Variants in LARS2 observed in about 807,000 individuals in gnomAD.
LARS2 encodes leucine--tRNA ligase, mitochondrial.
A neutral mutation model predicts 116.6 loss-of-function variants in LARS2; 81 were observed. The observed-to-expected ratio is 0.69, with a 90% confidence interval of 0.58 to 0.84. The LOEUF (loss-of-function observed/expected upper bound fraction) is 0.84, where lower values mean the gene tolerates loss of function less well. Ranked by LOEUF, LARS2 falls within the 40% of genes least tolerant of loss-of-function variation. The pLI is 0.00. For missense variants in LARS2, 968 were observed against 1,114.5 expected (o/e 0.87, Z 1.87); for synonymous variants, 396 against 407.2 (o/e 0.97, Z 0.33).
chr3:45,508,074 C>T (rs1700225672), intron 15 of LARS2, among the ~76,000 whole-genome samples: 1 of 151,950 alleles, frequency 6.6e-6, no homozygotes, highest in African/African-American at 2.4e-5. Flanking sequence ...TGTGGGAGAC[C>T]GCTGTAAACA....
At chr3:45,473,986 T>C (rs1226537406) in intron 8 of LARS2, among the ~76,000 whole-genome samples, 1 of 152,164 alleles carries the variant, frequency 6.6e-6, no homozygotes, top group Non-Finnish European at 1.5e-5. Flanking sequence ...TGTTTGTTAA[T>C]TTTCTTCTTT....
intron 7 of LARS2, among the ~76,000 whole-genome samples, chr3:45,458,068 C>T (rs770531522): frequency 3.9e-5 from 6 of 152,082 alleles, no homozygotes; most frequent in African/African-American, 9.7e-5. Flanking sequence ...AAAAATGTAT[C>T]GAGTTGTACA....
In LARS2 at chr3:45,476,507, A is replaced by C; in HGVS notation, c.898A>C (p.Thr300Pro). ...CACGGGCGAAAAGCTGACTGCCTAT[A>C]CGGCCACCCCTGAAGCCATTTATGG... Reference protein sequence around the residue: ...QATGEKLTAYTATPEAIYGTS... With the variant: ...QATGEKLTAYPATPEAIYGTS... The change falls in exon 10 of 22, where the codon ACG (threonine) becomes CCG (proline). Residue 300 changes from threonine (T) to proline (P), a missense_variant. Transcript: ENST00000645846. The C allele has an allele frequency of 6.2e-7, 1 of 1,614,192 alleles. No homozygotes were observed. The highest frequency in any genetic ancestry group is 1.3e-5 in the African/African-American group (1 of 75,054).
chr3:45,449,740 T>A (rs1699094100), intron 7 of LARS2, among the ~76,000 whole-genome samples: 1 of 152,222 alleles, frequency 6.6e-6, no homozygotes, highest in Non-Finnish European at 1.5e-5. Context: ...TATTTCAAAA[T>A]ACAAATTTTT....
chr3:45,415,885 AGAGAGAGG>A (rs1698410178), intron 4 of LARS2, among the ~76,000 whole-genome samples: 4 of 100,864 alleles, frequency 4.0e-5, no homozygotes, highest in African/African-American at 2.0e-4. Flanking sequence ...ATAGAGAGAG[AGAGAGAGG>A]GAGAGAGAGA....
intron 12 of LARS2, among the ~76,000 whole-genome samples, 189 bp downstream of exon 12, chr3:45,489,001 C>G (rs1054194502): frequency 1.3e-5 from 2 of 152,192 alleles, no homozygotes; most frequent in South Asian, 4.1e-4. Context: ...AAATCAAATT[C>G]AGTCCTTGAA....
At position 45,520,296 on chromosome 3, in the gene LARS2, G is replaced by T; in HGVS notation, c.2292G>T (p.Ser764=). 1.2e-6 allele frequency: 2 copies of T among 1,611,558 alleles called. No individual in the cohort carries two copies. Among genetic ancestry groups the T allele is most frequent in the Non-Finnish European group, 1.7e-6 (2 of 1,177,778 alleles). The change falls in exon 19 of 22, where the codon TCG becomes TCT. Residue 764 remains serine, a splice_region_variant and synonymous_variant. Coordinates refer to ENST00000645846, the MANE Select transcript of LARS2 (RefSeq NM_015340.4). ...SQLMGLSNAL[S]QASQSVILHS... ...TGATGGGACTCAGCAATGCCCTCTC[G>T]GTAAGTGGCCTGTCCTCATTTGCTG...
chr3:45,451,367 A>T (rs909569907), intron 7 of LARS2, among the ~76,000 whole-genome samples: 10 of 151,364 alleles, frequency 6.6e-5, no homozygotes, highest in African/African-American at 2.4e-4. Flanking sequence ...ATCTATTTTG[A>T]GTTTTTTTTT....
At chr3:45,481,074 G>A (rs887865710) in intron 10 of LARS2, among the ~76,000 whole-genome samples, 2 of 152,048 alleles carry the variant, frequency 1.3e-5, no homozygotes, top group Non-Finnish European at 2.9e-5. Context: ...CCAGCCCTAG[G>A]CAATCACTAA....
intron 8 of LARS2, among the ~76,000 whole-genome samples, chr3:45,461,005 C>G (rs1699313662): frequency 6.6e-6 from 1 of 152,040 alleles, no homozygotes; most frequent in Non-Finnish European, 1.5e-5. Flanking sequence ...AATTACTAGA[C>G]TTGAAAAGAA....
chr3:45,457,916 A>T (rs938227127), intron 7 of LARS2, among the ~76,000 whole-genome samples: 1 of 152,196 alleles, frequency 6.6e-6, no homozygotes, highest in Non-Finnish European at 1.5e-5. Flanking sequence ...TATCAGCTGA[A>T]TGAATCCATG....
intron 6 of LARS2, among the ~76,000 whole-genome samples, chr3:45,426,128 G>A (rs919802764): frequency 3.3e-5 from 5 of 152,112 alleles, no homozygotes; most frequent in East Asian, 1.9e-4. Context: ...TTCAAAGCCC[G>A]TACTACCTTG....
chr3:45,537,268 G>A (rs1231891489), intron 20 of LARS2, among the ~76,000 whole-genome samples: 2 of 152,082 alleles, frequency 1.3e-5, no homozygotes, highest in Non-Finnish European at 2.9e-5. Flanking sequence ...GAGCCTTTAC[G>A]TCCCTTAGGG....
At chr3:45,514,822 G>A (rs1015808637) in intron 16 of LARS2, among the ~76,000 whole-genome samples, 9 of 152,186 alleles carry the variant, frequency 5.9e-5, no homozygotes, top group African/African-American at 2.2e-4. Flanking sequence ...CAGGGTAAAG[G>A]GGCCAGTGGT....
At chr3:45,466,607 A>G (rs1214145042) in intron 8 of LARS2, among the ~76,000 whole-genome samples, 2 of 152,064 alleles carry the variant, frequency 1.3e-5, no homozygotes, top group Non-Finnish European at 2.9e-5. Flanking sequence ...TGTGTGTCCC[A>G]TCCTTGAAAA....
At chr3:45,469,703 G>T (rs1699488470) in intron 8 of LARS2, among the ~76,000 whole-genome samples, 1 of 152,038 alleles carries the variant, frequency 6.6e-6, no homozygotes, top group Admixed American at 6.6e-5. Flanking sequence ...GGACTAGAGT[G>T]CGAGAGAAAG....
rs386396517 is a variant in LARS2, at chr3:45,415,847, CAAA to C, written c.364-1623_364-1621del. Among the ~76,000 whole-genome samples, 406 of 90,460 alleles carry C rather than the reference CAAA, an allele frequency of 4.5e-3. 1 individual carries two copies. Among genetic ancestry groups the C allele is most frequent in the East Asian group, 0.031 (91 of 2,958 alleles). 59.3% of individuals were successfully genotyped at this position (90,460 alleles called of 152,430 possible). ...TGGGCAACAGAGCAAGACTCCATCT[CAAA>C]AAAAAAAAAAATATATATATATATA... On this transcript the variant is annotated intron_variant, in intron 4 of 21. Transcript: ENST00000645846.
intron 21 of LARS2, among the ~76,000 whole-genome samples, chr3:45,546,906 C>T (rs1700884112): frequency 6.6e-6 from 1 of 152,190 alleles, no homozygotes; most frequent in Admixed American, 6.5e-5. Context: ...CTGTTTGGTC[C>T]ACTTGAGACC....
At chr3:45,530,555 G>C (rs1006901304) in intron 20 of LARS2, among the ~76,000 whole-genome samples, 1 of 152,130 alleles carries the variant, frequency 6.6e-6, no homozygotes, top group African/African-American at 2.4e-5. Context: ...TGTGTGCCAT[G>C]ACTTAGTGTG....
Sources: allele counts gnomAD v4.1 joint callset (sites outside exome capture counted in the v4.1 genomes callset), GRCh38; gene constraint gnomAD v4.1.1; transcripts MANE v1.5; gene names NCBI Gene and HGNC (gene_info 2026-07-23, HGNC 2026-07-21).